Variants in MAP7D2 observed in about 807,000 individuals in gnomAD.
MAP7D2 encodes the protein MAP7 domain-containing protein 2.
In MAP7D2, 33 loss-of-function variants were observed where a neutral mutation model predicts 63.5. The ratio of observed to expected loss-of-function variants is 0.52; its 90% CI spans 0.39 to 0.70. The LOEUF (loss-of-function observed/expected upper bound fraction) is 0.70. MAP7D2 is among the 30% of genes least tolerant of loss of function. The pLI, the probability that MAP7D2 is intolerant of heterozygous loss-of-function variation, is 0.00. For synonymous variants in MAP7D2, 224 were observed against 223.7 expected, an observed-to-expected ratio of 1.00 and a Z score of -0.01; for missense variants, 626 against 604.0, an observed-to-expected ratio of 1.04 and a Z score of -0.38.
At chrX:20,062,937 T>A (rs1024335288) in intron 3 of MAP7D2, among the ~76,000 whole-genome samples, 1 of 111,618 alleles carries the variant, frequency 9.0e-6, no homozygotes, top group African/African-American at 3.3e-5. Flanking sequence ...CAAGCTCTTG[T>A]TCTGGCCTTG....
chrX:20,064,704 A>C (rs1410749278), intron 2 of MAP7D2, 24 bp downstream of exon 2: 1 of 1,196,354 alleles, frequency 8.4e-7, no homozygotes, highest in Admixed American at 2.2e-5. Context: ...CCTTGGACCA[A>C]AATAGCCAAA....
intron 8 of MAP7D2, among the ~76,000 whole-genome samples, chrX:20,041,336 T>C (rs1443059055): frequency 9.0e-6 from 1 of 111,717 alleles, no homozygotes; most frequent in African/African-American, 3.3e-5. Context: ...AAGGTTGCAA[T>C]GAACTAAAAA....
intron 3 of MAP7D2, among the ~76,000 whole-genome samples, chrX:20,057,011 G>A (rs915271903): frequency 2.7e-5 from 3 of 112,163 alleles, no homozygotes; most frequent in Non-Finnish European, 5.6e-5. Context: ...CCTAAACACC[G>A]TGTGTCCTGT....
At chrX:20,027,664 AC>A (rs1341946241) in intron 8 of MAP7D2, among the ~76,000 whole-genome samples, 1 of 108,195 alleles carries the variant, frequency 9.2e-6, no homozygotes, top group African/African-American at 3.4e-5. Context: ...AATCCCTGAG[AC>A]ATGGGGTAGG....
Position 20,088,468 on chromosome X carries a change from G to GTTTTTTTTTTTTTTTT in MAP7D2, c.131-23679_131-23664dup, listed in dbSNP as rs779366726. On this transcript the variant is annotated intron_variant, in intron 1 of 16. Coordinates refer to ENST00000379643, the MANE Select transcript of MAP7D2 (RefSeq NM_001168465.2). ...CCCCACCACACCCAGCTAATTTTCA[G>GTTTTTTTTTTTTTTTT]TTTTTTTTTTTTTTTTTTTTTTTTT... 7.3e-5 allele frequency among the ~76,000 whole-genome samples: 3 copies of GTTTTTTTTTTTTTTTT among 41,072 alleles called. 1 individual carries two copies. Among genetic ancestry groups the GTTTTTTTTTTTTTTTT allele is most frequent in the East Asian group, 4.0e-3 (2 of 501 alleles). The allele number at this position is 41,072 out of a possible 115,157, so 35.7% of individuals were successfully genotyped here.
In MAP7D2 at chrX:20,052,866, A is replaced by G; in HGVS notation, c.595+12T>C. 2 of 1,149,801 alleles carry G rather than the reference A, an allele frequency of 1.7e-6. No homozygotes were observed. Among genetic ancestry groups the G allele is most frequent in the Non-Finnish European group, 2.4e-6 (2 of 839,157 alleles). The allele number at this position is 1,149,801 out of a possible 1,213,427, so 94.8% of individuals were successfully genotyped here. ...AACAAACTAGAGAGACCAAGTCTAC[A>G]TGTTCACTTGCCTCGGTCTGGGGAA... is the stretch of plus-strand genomic sequence containing the variant. On this transcript the variant is annotated intron_variant, in intron 5 of 16. Coordinates refer to ENST00000379643, the MANE Select transcript of MAP7D2 (RefSeq NM_001168465.2).
intron 1 of MAP7D2, among the ~76,000 whole-genome samples, chrX:20,089,673 G>A (rs907752666): frequency 2.7e-5 from 3 of 112,373 alleles, no homozygotes; most frequent in African/African-American, 9.7e-5. Context: ...TGCCCTAGAT[G>A]TCATTCCCTT....
At chrX:20,033,863 CT>C (rs1476002372) in intron 8 of MAP7D2, among the ~76,000 whole-genome samples, 3 of 111,838 alleles carry the variant, frequency 2.7e-5, no homozygotes, top group Non-Finnish European at 5.6e-5. Context: ...TCAAGTAAGT[CT>C]TTTTTATTAT....
At chrX:20,012,970 T>A in intron 14 of MAP7D2, 84 bp downstream of exon 14, 1 of 778,707 alleles carries the variant, frequency 1.3e-6, no homozygotes, top group Non-Finnish European at 1.9e-6. Flanking sequence ...CCTCTTGGGA[T>A]CCATGGGTCT....
rs761398335 is a variant in MAP7D2, at chrX:20,105,545, T to C, written c.130+11205A>G. On this transcript the variant is annotated intron_variant, in intron 1 of 16. Coordinates refer to ENST00000379643, the MANE Select transcript of MAP7D2 (RefSeq NM_001168465.2). ...GAACCAGCCCAGATACACTGGAACT[T>C]CCCTGTTTAATGGTGTAGTTCCCAG... 2.7e-5 allele frequency among the ~76,000 whole-genome samples: 3 copies of C among 112,033 alleles called. No individual in the cohort carries two copies. In the East Asian group the frequency reaches 8.4e-4, roughly 31 times the overall value.
intron 6 of MAP7D2, among the ~76,000 whole-genome samples, chrX:20,048,753 C>A (rs1459748054): frequency 9.2e-6 from 1 of 108,902 alleles, no homozygotes; most frequent in Non-Finnish European, 1.9e-5. Flanking sequence ...CATAGTGAGA[C>A]CTTGTCCCTC....
intron 8 of MAP7D2, among the ~76,000 whole-genome samples, chrX:20,036,623 C>T (rs2064495890): frequency 9.5e-6 from 1 of 105,041 alleles, no homozygotes; most frequent in African/African-American, 3.4e-5. Context: ...AAAAGATTTT[C>T]GGCCAGGCGC....
chrX:20,077,403 A>G (rs2065673635), intron 1 of MAP7D2, among the ~76,000 whole-genome samples: 1 of 111,595 alleles, frequency 9.0e-6, no homozygotes, highest in African/African-American at 3.3e-5. Context: ...CCGTGAGCCA[A>G]AGTTGCACCA....
chrX:20,111,550 G>A (rs1241152224), intron 1 of MAP7D2, among the ~76,000 whole-genome samples: 2 of 111,463 alleles, frequency 1.8e-5, no homozygotes, highest in Non-Finnish European at 3.8e-5. Flanking sequence ...AGACTGTCCC[G>A]GCAGAAGTCT....
At chrX:20,095,881 A>G (rs1012612318) in intron 1 of MAP7D2, among the ~76,000 whole-genome samples, 1 of 109,728 alleles carries the variant, frequency 9.1e-6, no homozygotes, top group African/African-American at 3.3e-5. Flanking sequence ...GGAGTCCAAG[A>G]CCAGCCTGAC....
chrX:20,037,395 C>T (rs1012124107), intron 8 of MAP7D2, among the ~76,000 whole-genome samples: 1 of 111,892 alleles, frequency 8.9e-6, no homozygotes, highest in Non-Finnish European at 1.9e-5. Flanking sequence ...TGCCTTCTCT[C>T]CCCCAGCCCG....
At chrX:20,113,929 T>C (rs769570258) in intron 1 of MAP7D2, among the ~76,000 whole-genome samples, 1 of 111,971 alleles carries the variant, frequency 8.9e-6, no homozygotes, top group African/African-American at 3.2e-5. Flanking sequence ...CCTTATTAAT[T>C]CATTCTATTT....
At chrX:20,042,262 G>A in intron 8 of MAP7D2, among the ~76,000 whole-genome samples, 1 of 111,560 alleles carries the variant, frequency 9.0e-6, no homozygotes, top group Non-Finnish European at 1.9e-5. Flanking sequence ...AATGCTGAAT[G>A]CATCATCTTG....
At chrX:20,012,309 G>T in intron 15 of MAP7D2, 40 bp downstream of exon 15, 2 of 1,027,861 alleles carry the variant, frequency 1.9e-6, no homozygotes, top group South Asian at 2.6e-5. Flanking sequence ...GTAGTGTTTC[G>T]AGAAGTGATG....
Sources: gnomAD v4.1 joint callset for allele counts (sites outside exome capture counted in the v4.1 genomes callset) on GRCh38, gnomAD v4.1.1 for gene constraint, MANE v1.5 for transcripts, NCBI Gene and HGNC (gene_info 2026-07-23, HGNC 2026-07-21) for gene names.